The following DPP10 variants were observed in gnomAD, a reference collection of about 807,000 sequenced individuals.
The protein encoded by DPP10 is dipeptidyl peptidase like 10.
DPP10 carries 33 observed loss-of-function variants against 120.9 expected under a neutral mutation model. The observed-to-expected ratio is 0.27, with a 90% CI of 0.21 to 0.37. DPP10 has a LOEUF of 0.37. Among genes scored for constraint, DPP10 ranks in the 10% least tolerant of loss-of-function variants. DPP10 has a pLI of 1.00. For synonymous variants in DPP10, 337 were observed against 326.1 expected (o/e 1.03, Z -0.36); for missense variants, 816 against 942.8 (o/e 0.87, Z 1.76).
intron 1 of DPP10, among the ~76,000 whole-genome samples, chr2:115,027,668 G>A (rs143289432): frequency 7.4e-4 from 112 of 152,070 alleles, no homozygotes; most frequent in Non-Finnish European, 1.4e-3. Flanking sequence ...GAAGTATTCC[G>A]TCATCTTCAA....
At chr2:115,574,606 TCTAA>T (rs971204696) in intron 5 of DPP10, among the ~76,000 whole-genome samples, 19 of 152,212 alleles carry the variant, frequency 1.2e-4, no homozygotes, top group African/African-American at 4.6e-4. Flanking sequence ...TTGTACTACC[TCTAA>T]CTGAGCACAT....
intron 21 of DPP10, among the ~76,000 whole-genome samples, chr2:115,832,407 T>C (rs184420144): frequency 2.0e-5 from 3 of 152,304 alleles, no homozygotes; most frequent in African/African-American, 7.2e-5. Flanking sequence ...GGAGGTCTGC[T>C]TAAGCCTGGG....
At chr2:115,809,358 AT>A (rs1034373053) in intron 19 of DPP10, among the ~76,000 whole-genome samples, 4 of 152,168 alleles carry the variant, frequency 2.6e-5, no homozygotes, top group Non-Finnish European at 5.9e-5. Flanking sequence ...TATAAAGTAA[AT>A]TTTTAATTAA....
chr2:115,511,897 TTTTAAAAAAAG>T lies in DPP10; in HGVS notation c.366+12297_366+12307del, dbSNP rs1206410920. On this transcript the variant is annotated intron_variant, in intron 4 of 25. Coordinates refer to ENST00000410059, the MANE Select transcript of DPP10 (RefSeq NM_020868.6). ...GTGTGCCACCATTCCCAGCTAATTT[TTTTAAAAAAAG>T]TTTTGTCACACTGTGGTCTCACTAT... Among the ~76,000 whole-genome samples, 10 of 151,480 alleles carry T rather than the reference TTTTAAAAAAAG, an allele frequency of 6.6e-5. No individual in the cohort carries two copies. In the East Asian group the frequency reaches 1.8e-3, roughly 27 times the overall value.
intron 1 of DPP10, among the ~76,000 whole-genome samples, chr2:115,134,388 C>A (rs890116739): frequency 2.0e-5 from 3 of 152,126 alleles, no homozygotes; most frequent in Admixed American, 1.3e-4. Flanking sequence ...CATGAAGTGG[C>A]TGACTGGATG....
At chr2:114,825,028 C>T (rs1329873444) in intron 1 of DPP10, among the ~76,000 whole-genome samples, 3 of 152,134 alleles carry the variant, frequency 2.0e-5, no homozygotes, top group African/African-American at 4.8e-5. Context: ...GCAGTTAACT[C>T]AATGCTGTGG....
At chr2:115,042,541 C>T (rs1384767472) in intron 1 of DPP10, among the ~76,000 whole-genome samples, 3 of 152,248 alleles carry the variant, frequency 2.0e-5, no homozygotes. Context: ...GCTGGGATTA[C>T]AGGCGTGAGC....
chr2:114,743,920 G>C (rs1196734196), intron 1 of DPP10, among the ~76,000 whole-genome samples: 1 of 152,028 alleles, frequency 6.6e-6, no homozygotes, highest in Non-Finnish European at 1.5e-5. Context: ...TCCTCAGGTA[G>C]TTTGCTAATA....
At position 114,908,358 on chromosome 2, in the gene DPP10, A is replaced by C. The variant is rs75026294; in HGVS notation, c.61-400881A>C. On this transcript the variant is annotated intron_variant, in intron 1 of 25. Coordinates refer to ENST00000410059, the MANE Select transcript of DPP10 (RefSeq NM_020868.6). ...TCTGCTAGTTTTCTTTTGGTATTGT[A>C]TGTCTCACGTCTCTTTTTGTTTCTC... Among the ~76,000 whole-genome samples the C allele has an allele frequency of 6.5e-3, 989 of 151,926 alleles. 14 individuals carry two copies. Among genetic ancestry groups the C allele is most frequent in the African/African-American group, 0.023 (949 of 41,490 alleles).
At chr2:115,330,463 C>T (rs2062652754) in intron 2 of DPP10, among the ~76,000 whole-genome samples, 1 of 151,766 alleles carries the variant, frequency 6.6e-6, no homozygotes, top group Non-Finnish European at 1.5e-5. Context: ...TCAATTGTGG[C>T]TTTTGTTGCC....
intron 5 of DPP10, among the ~76,000 whole-genome samples, chr2:115,645,743 A>T (rs1287634578): frequency 2.0e-5 from 3 of 152,218 alleles, no homozygotes; most frequent in Non-Finnish European, 4.4e-5. Context: ...CTCATTATAT[A>T]ACATGCTATG....
chr2:115,556,280 G>C (rs949156943), intron 5 of DPP10, among the ~76,000 whole-genome samples: 1 of 150,864 alleles, frequency 6.6e-6, no homozygotes, highest in Non-Finnish European at 1.5e-5. Context: ...CCTCTGGGCT[G>C]TATGTGGCCC....
At chr2:114,667,478 A>G (rs1398636235) in intron 1 of DPP10, among the ~76,000 whole-genome samples, 1 of 152,206 alleles carries the variant, frequency 6.6e-6, no homozygotes, top group Non-Finnish European at 1.5e-5. Flanking sequence ...ATATGAATAT[A>G]ACTGACCTTC....
At position 114,822,565 on chromosome 2, in the gene DPP10, T is replaced by C. The variant is rs569713147; in HGVS notation, c.60+379727T>C. Among the ~76,000 whole-genome samples, 3 of 152,298 alleles carry C rather than the reference T, an allele frequency of 2.0e-5. No individual in the cohort carries two copies. In the East Asian group the frequency reaches 5.8e-4, roughly 29 times the overall value. On this transcript the variant is annotated intron_variant, in intron 1 of 25. Coordinates refer to ENST00000410059, the MANE Select transcript of DPP10 (RefSeq NM_020868.6). ...CAGGGTTGAATTTCTCCCCAGAAAA[T>C]TGGTTTTGCTTTTGTATTGCATTGC... is the stretch of plus-strand genomic sequence containing the variant.
intron 1 of DPP10, among the ~76,000 whole-genome samples, chr2:114,957,126 T>C (rs1698274369): frequency 6.6e-6 from 1 of 151,216 alleles, no homozygotes; most frequent in Admixed American, 6.6e-5. Flanking sequence ...AAGGAAATAA[T>C]AGAGTGAAAA....
At chr2:115,423,648 C>T (rs989048591) in intron 3 of DPP10, among the ~76,000 whole-genome samples, 2 of 152,008 alleles carry the variant, frequency 1.3e-5, no homozygotes, top group Admixed American at 1.3e-4. Context: ...TTTACTTAGA[C>T]CCTGGACATC....
chr2:115,617,025 C>A (rs1393514861), intron 5 of DPP10, among the ~76,000 whole-genome samples: 1 of 149,846 alleles, frequency 6.7e-6, no homozygotes, highest in East Asian at 2.0e-4. Context: ...TTTACATGTC[C>A]CCATGTTAAA....
chr2:114,878,765 A>G (rs1407804271), intron 1 of DPP10, among the ~76,000 whole-genome samples: 1 of 152,072 alleles, frequency 6.6e-6, no homozygotes, highest in Non-Finnish European at 1.5e-5. Context: ...AAAGGATTTC[A>G]TTCTTTTTTT....
chr2:114,743,258 T>C (rs1202041153), intron 1 of DPP10, among the ~76,000 whole-genome samples: 1 of 152,198 alleles, frequency 6.6e-6, no homozygotes, highest in Non-Finnish European at 1.5e-5. Context: ...CAAGAGTACA[T>C]CTTTTGGGAT....
Sources: gnomAD v4.1 joint callset for allele counts (sites outside exome capture counted in the v4.1 genomes callset) on GRCh38, gnomAD v4.1.1 for gene constraint, MANE v1.5 for transcripts, NCBI Gene and HGNC (gene_info 2026-07-23, HGNC 2026-07-21) for gene names.